Variants in NKAIN2 observed in about 807,000 individuals in gnomAD.
The protein encoded by NKAIN2 is sodium/potassium transporting ATPase interacting 2.
Under a neutral mutation model 32.6 loss-of-function variants are expected in NKAIN2, and 14 were observed. The ratio of observed to expected loss-of-function variants is 0.43; its 90% CI spans 0.28 to 0.67. The LOEUF (loss-of-function observed/expected upper bound fraction) is 0.67, where lower values mean the gene tolerates loss of function less well. Ranked by LOEUF, NKAIN2 falls within the 30% of genes least tolerant of loss-of-function variation. NKAIN2 has a pLI of 0.17. For synonymous variants in NKAIN2, 80 were observed against 87.2 expected, an observed-to-expected ratio of 0.92 and a Z score of 0.46; for missense variants, 198 against 258.3, an observed-to-expected ratio of 0.77 and a Z score of 1.60.
chr6:123,934,302 C>G (rs927314425), intron 1 of NKAIN2, among the ~76,000 whole-genome samples: 5 of 152,232 alleles, frequency 3.3e-5, no homozygotes, highest in African/African-American at 7.2e-5. Flanking sequence ...TTGGTCCACC[C>G]TGTGATGCTC....
chr6:124,762,351 A>G (rs1778310609), intron 4 of NKAIN2, among the ~76,000 whole-genome samples: 1 of 152,076 alleles, frequency 6.6e-6, no homozygotes, highest in Non-Finnish European at 1.5e-5. Flanking sequence ...CCTCCCTAAG[A>G]GCCTTATTTT....
chr6:124,548,303 A>G (rs1780167672), intron 3 of NKAIN2, among the ~76,000 whole-genome samples: 1 of 152,214 alleles, frequency 6.6e-6, no homozygotes, highest in Non-Finnish European at 1.5e-5. Context: ...TAGCTAGGAA[A>G]ATGTTTCTTT....
chr6:124,535,727 G>C (rs932524938), intron 3 of NKAIN2, among the ~76,000 whole-genome samples: 1 of 152,170 alleles, frequency 6.6e-6, no homozygotes, highest in Non-Finnish European at 1.5e-5. Flanking sequence ...ATGTAAGTTT[G>C]ATTCTGATGA....
Position 124,133,886 on chromosome 6 carries a change from AAAT to A in NKAIN2, c.55-149116_55-149114del, listed in dbSNP as rs921366395. Among the ~76,000 whole-genome samples, 77 of 152,282 alleles carry A rather than the reference AAAT, an allele frequency of 5.1e-4. 1 individual carries two copies. Among genetic ancestry groups the A allele is most frequent in the Middle Eastern group, 3.4e-3 (1 of 294 alleles). ...ATTAAAAAAAATACAGTCCAATTAA[AAAT>A]AAATTCAAGAACAGTTTGAAGAAAT... On this transcript the variant is annotated intron_variant, in intron 1 of 6. Coordinates refer to ENST00000368417, the MANE Select transcript of NKAIN2 (RefSeq NM_001040214.3).
chr6:123,904,497 C>T (rs1030156527), intron 1 of NKAIN2, among the ~76,000 whole-genome samples: 1 of 152,196 alleles, frequency 6.6e-6, no homozygotes, highest in Non-Finnish European at 1.5e-5. Context: ...ATGGTTGTTT[C>T]CCGGGTTACC....
chr6:124,459,869 G>T (rs1776464895), intron 3 of NKAIN2, among the ~76,000 whole-genome samples: 1 of 151,606 alleles, frequency 6.6e-6, no homozygotes, highest in African/African-American at 2.4e-5. Flanking sequence ...AGTATCATCT[G>T]TTTATATTTA....
intron 4 of NKAIN2, among the ~76,000 whole-genome samples, chr6:124,685,580 C>T (rs78737320): frequency 0.027 from 4,088 of 152,078 alleles, 87 homozygotes; most frequent in African/African-American, 0.066. Flanking sequence ...GTCTAGCACA[C>T]GATAAAATGC....
At chr6:124,476,725 C>A (rs1337950599) in intron 3 of NKAIN2, among the ~76,000 whole-genome samples, 1 of 152,080 alleles carries the variant, frequency 6.6e-6, no homozygotes, top group Non-Finnish European at 1.5e-5. Context: ...TTCCTATATT[C>A]TGAGCATTTT....
intron 3 of NKAIN2, among the ~76,000 whole-genome samples, chr6:124,511,955 T>C (rs1778731358): frequency 6.6e-6 from 1 of 152,192 alleles, no homozygotes; most frequent in Admixed American, 6.5e-5. Context: ...TTTCGATGTA[T>C]TTATAAAACT....
chr6:124,339,288 T>G (rs1330708812), intron 2 of NKAIN2, among the ~76,000 whole-genome samples: 1 of 149,318 alleles, frequency 6.7e-6, no homozygotes, highest in Non-Finnish European at 1.5e-5. Flanking sequence ...GAAGTTGCAG[T>G]GAGCCGAGAT....
At chr6:123,857,526 C>T (rs1014039920) in intron 1 of NKAIN2, among the ~76,000 whole-genome samples, 10 of 151,822 alleles carry the variant, frequency 6.6e-5, no homozygotes, top group Non-Finnish European at 1.0e-4. Context: ...TTTTTAAGTT[C>T]GTAGAAGATT....
At chr6:124,383,512 A>G (rs1772744109) in intron 3 of NKAIN2, among the ~76,000 whole-genome samples, 1 of 152,106 alleles carries the variant, frequency 6.6e-6, no homozygotes, top group Non-Finnish European at 1.5e-5. Flanking sequence ...CAGCTCCTTG[A>G]ACCTATACCC....
intron 3 of NKAIN2, among the ~76,000 whole-genome samples, chr6:124,548,961 C>T (rs1780191369): frequency 6.6e-6 from 1 of 152,034 alleles, no homozygotes; most frequent in African/African-American, 2.4e-5. Flanking sequence ...GAAACTAAAG[C>T]CTAACTAAAG....
rs73565659 is a variant in NKAIN2 at position 124,282,395 on chromosome 6, A to G, written c.55-610A>G. The G allele has an allele frequency of 3.8e-3, 957 of 248,866 alleles. 12 individuals are homozygous for G. The highest frequency in any genetic ancestry group is 0.021 in the African/African-American group (896 of 42,184). 15.4% of individuals were successfully genotyped at this position (248,866 alleles called of 1,614,324 possible). A position where few individuals can be genotyped will look rare whatever the true frequency, so the allele number is the denominator to read the frequency against. ...AAACATCATATTTGATCTATAATAC[A>G]ACACTATTAGAACTAGAAGGACCCT... On this transcript the variant is annotated intron_variant, in intron 1 of 6. Coordinates refer to ENST00000368417, the MANE Select transcript of NKAIN2 (RefSeq NM_001040214.3).
rs1047406233 is a variant in NKAIN2, at chr6:124,164,049, A to C, written c.55-118956A>C. 1.1e-4 allele frequency among the ~76,000 whole-genome samples: 17 copies of C among 152,156 alleles called. 1 individual carries two copies. Among genetic ancestry groups the C allele is most frequent in the South Asian group, 1.0e-3 (5 of 4,834 alleles). The stretch of plus-strand genomic sequence containing the variant: ...CATATTTGGTTTGCTTTTTAAAAAA[A>C]ATTTCCATCAATATTTACAAAGTAA... On this transcript the variant is annotated intron_variant, in intron 1 of 6. Coordinates refer to ENST00000368417, the MANE Select transcript of NKAIN2 (RefSeq NM_001040214.3).
chr6:124,396,706 A>G (rs576070989), intron 3 of NKAIN2, among the ~76,000 whole-genome samples: 9 of 152,174 alleles, frequency 5.9e-5, no homozygotes, highest in Non-Finnish European at 1.3e-4. Flanking sequence ...ATAAATAACT[A>G]TTACAGATAT....
intron 1 of NKAIN2, among the ~76,000 whole-genome samples, chr6:124,132,710 C>T (rs1423520314): frequency 1.3e-5 from 2 of 152,186 alleles, no homozygotes; most frequent in African/African-American, 4.8e-5. Flanking sequence ...CTACATCACC[C>T]CCAGCCACCT....
chr6:123,807,325 C>G lies in NKAIN2; in HGVS notation c.54+3071C>G, dbSNP rs558035323. On this transcript the variant is annotated intron_variant, in intron 1 of 6. Coordinates refer to ENST00000368417, the MANE Select transcript of NKAIN2 (RefSeq NM_001040214.3). ...ACTTCAGATTTTAGGGTGATTCCTA[C>G]GTAAAGGAGTATGATCTCTGGAAAC... Among the ~76,000 whole-genome samples, 380 of 152,086 alleles carry G rather than the reference C, an allele frequency of 2.5e-3. 2 individuals carry two copies. Among genetic ancestry groups the G allele is most frequent in the Middle Eastern group, 3.4e-3 (1 of 294 alleles).
chr6:124,383,956 T>A lies in NKAIN2; in HGVS notation c.273+28609T>A, dbSNP rs377043857. Among the ~76,000 whole-genome samples the A allele has an allele frequency of 2.7e-4, 41 of 152,290 alleles. 1 individual carries two copies. The South Asian group carries it at 8.5e-3, about 32-fold the overall frequency. ...TCCATTAGGGAAATAAGAATATTAA[T>A]TATACCTACATTAGACAATGCAAAT... On this transcript the variant is annotated intron_variant, in intron 3 of 6. Transcript: ENST00000368417.
Sources: allele counts gnomAD v4.1 joint callset (sites outside exome capture counted in the v4.1 genomes callset), GRCh38; gene constraint gnomAD v4.1.1; transcripts MANE v1.5; gene names NCBI Gene and HGNC (gene_info 2026-07-23, HGNC 2026-07-21).